Variants in RNF19B observed in about 807,000 individuals in gnomAD.
The protein encoded by RNF19B is ring finger protein 19B.
RNF19B carries 23 observed loss-of-function variants against 65.5 expected under a neutral mutation model. The ratio of observed to expected loss-of-function variants is 0.35; its 90% CI spans 0.25 to 0.50. The LOEUF is 0.50. RNF19B is among the 20% of genes least tolerant of loss of function. RNF19B has a pLI of 0.98. For synonymous variants in RNF19B, 372 were observed against 379.6 expected (o/e 0.98, Z 0.23); for missense variants, 794 against 980.0 (o/e 0.81, Z 2.53).
chr1:32,955,408 C>T (rs890924094), intron 1 of RNF19B, among the ~76,000 whole-genome samples: 2 of 151,812 alleles, frequency 1.3e-5, no homozygotes, highest in Non-Finnish European at 1.5e-5. Context: ...GTTCTGAATA[C>T]GGTAATCTTC....
Position 32,942,554 on chromosome 1 carries a change from T to C in RNF19B, c.1403-95A>G, listed in dbSNP as rs114054157. ...AATGACTTTTCAGAGAACTAATGTA[T>C]TTACTTAATGAACAGGTACTGTGTG... On this transcript the variant is annotated intron_variant, in intron 6 of 8. Coordinates refer to ENST00000235150, the MANE Select transcript of RNF19B (RefSeq NM_001300826.2). 6.6e-3 allele frequency: 6,560 copies of C among 998,152 alleles called. 30 individuals are homozygous for C. The highest frequency in any genetic ancestry group is 0.017 in the Middle Eastern group (65 of 3,886). The allele number at this position is 998,152 out of a possible 1,614,324, so 61.8% of individuals were successfully genotyped here.
chr1:32,957,809 G>A (rs185658684), intron 1 of RNF19B, among the ~76,000 whole-genome samples: 1 of 152,198 alleles, frequency 6.6e-6, no homozygotes, highest in South Asian at 2.1e-4. Flanking sequence ...ACTCCAGCCT[G>A]GGCGACAAAG....
rs749713428 is a variant in RNF19B at position 32,936,797 on chromosome 1, C to A, written c.*9G>T. On this transcript the variant is annotated 3_prime_UTR_variant, in exon 9 of 9. Transcript: ENST00000235150. ...GTGTGCTTCTCAGAACAGGAGCATTCATTCCACTTCATACTCTGGCTTCTC... is the reference window on the plus strand; with the variant it reads ...GTGTGCTTCTCAGAACAGGAGCATTAATTCCACTTCATACTCTGGCTTCTC... 2.0e-6 allele frequency: 3 copies of A among 1,534,098 alleles called. No homozygotes were observed. Among genetic ancestry groups the A allele is most frequent in the Non-Finnish European group, 2.6e-6 (3 of 1,139,558 alleles).
Position 32,946,572 on chromosome 1 carries a change from G to C in RNF19B, c.984-8C>G. 1 of 1,611,638 alleles carries C rather than the reference G, an allele frequency of 6.2e-7. No homozygotes were observed. Among genetic ancestry groups the C allele is most frequent in the South Asian group, 1.1e-5 (1 of 90,776 alleles). On this transcript the variant is annotated splice_polypyrimidine_tract_variant and splice_region_variant and intron_variant, in intron 3 of 8. Transcript: ENST00000235150. ...AATGTACAGCCAGAGGGGCTGCAGG[G>C]GAAACAGACTGAAGTTAATGTCAAC... is the stretch of plus-strand genomic sequence containing the variant.
intron 1 of RNF19B, among the ~76,000 whole-genome samples, chr1:32,952,962 ATT>A (rs71278768): frequency 2.3e-3 from 281 of 119,996 alleles, no homozygotes; most frequent in African/African-American, 8.1e-3. Context: ...TAATCACACA[ATT>A]TTTTTTTTTT....
intron 2 of RNF19B, among the ~76,000 whole-genome samples, chr1:32,948,684 T>G (rs908123067): frequency 6.6e-6 from 1 of 152,224 alleles, no homozygotes; most frequent in African/African-American, 2.4e-5. Flanking sequence ...TACCAGTCGA[T>G]AGGCTGGTAG....
Position 32,936,866 on chromosome 1 carries a change from G to C in RNF19B, c.2136C>G (p.Leu712=), listed in dbSNP as rs1642115339. 4 of 1,610,696 alleles carry C rather than the reference G, an allele frequency of 2.5e-6. No individual in the cohort carries two copies. In the East Asian group the frequency reaches 8.9e-5, roughly 36 times the overall value. Reference sequence around the variant, plus strand: ...CAGTTTGTCCCTCGGCTAGGGCAGAGAGGTTCATATGGGCACTTGGGCTCG... The same window carrying C: ...CAGTTTGTCCCTCGGCTAGGGCAGACAGGTTCATATGGGCACTTGGGCTCG... ...GAPSPSAHMN[L]SALAEGQTVL... is the part of the protein sequence containing the mutation. The change falls in exon 9 of 9, where the codon CTC becomes CTG. Residue 712 remains leucine, a synonymous_variant. Transcript: ENST00000235150.
At chr1:32,957,800 C>T (rs1228108339) in intron 1 of RNF19B, among the ~76,000 whole-genome samples, 1 of 152,230 alleles carries the variant, frequency 6.6e-6, no homozygotes, top group African/African-American at 2.4e-5. Flanking sequence ...CACAACTGCA[C>T]TCCAGCCTGG....
chr1:32,929,146 G>A, the RNF19B span, among the ~76,000 whole-genome samples: 1 of 152,096 alleles, frequency 6.6e-6, no homozygotes, highest in Non-Finnish European at 1.5e-5. Context: ...GTTCCTTGCC[G>A]CTCCCAGCTT....
intron 1 of RNF19B, among the ~76,000 whole-genome samples, chr1:32,952,800 C>A (rs1642539341): frequency 6.7e-6 from 1 of 149,386 alleles, no homozygotes; most frequent in Admixed American, 6.7e-5. Flanking sequence ...GCAGTCACAG[C>A]TACTTGGGAG....
rs1483536218 is a variant in RNF19B, at chr1:32,938,644, C to A, written c.1611-116G>T. Reference sequence around the variant, plus strand: ...TGCAAATTGTGGTTGTCTGTCTGATCTTCTCCAACTGTCAAACAGCGCAAA... The same window carrying A: ...TGCAAATTGTGGTTGTCTGTCTGATATTCTCCAACTGTCAAACAGCGCAAA... On this transcript the variant is annotated intron_variant, in intron 7 of 8. Coordinates refer to ENST00000235150, the MANE Select transcript of RNF19B (RefSeq NM_001300826.2). 14 of 1,040,034 alleles carry A rather than the reference C, an allele frequency of 1.3e-5. No homozygotes were observed. The Admixed American group carries it at 2.4e-4, about 18-fold the overall frequency. The allele number at this position is 1,040,034 out of a possible 1,614,324, so 64.4% of individuals were successfully genotyped here.
chr1:32,942,576 T>C, intron 6 of RNF19B, 117 bp from the exon 7 acceptor site: 3 of 761,414 alleles, frequency 3.9e-6, no homozygotes, highest in Middle Eastern at 3.6e-4. Context: ...ACAGGTACTG[T>C]GTGCAGTCGC....
At chr1:32,934,017 TGATAATTTGCGTTTCA>T (rs1248734905), downstream of RNF19B, among the ~76,000 whole-genome samples, 11 of 152,218 alleles carry the variant, frequency 7.2e-5, no homozygotes, top group Non-Finnish European at 1.6e-4. Context: ...AGTTTTGAGT[TGATAATTTGCGTTTCA>T]GAGATCTCCA....
downstream of RNF19B, among the ~76,000 whole-genome samples, chr1:32,934,126 A>G (rs1436236761): frequency 2.0e-5 from 3 of 152,198 alleles, no homozygotes; most frequent in Non-Finnish European, 2.9e-5. Flanking sequence ...CAGAAATCCA[A>G]AGTCCACTAA....
At chr1:32,963,903 G>C (rs1409733609) in intron 1 of RNF19B, 148 bp downstream of exon 1, 1 of 1,296,536 alleles carries the variant, frequency 7.7e-7, no homozygotes, top group Non-Finnish European at 9.9e-7. Context: ...CACACCACTA[G>C]TCTGGGCTTG....
Position 32,964,554 on chromosome 1 carries a change from G to T in RNF19B, c.132C>A (p.Arg44=). 1 of 1,273,918 alleles carries T rather than the reference G, an allele frequency of 7.8e-7. No homozygotes were observed. The highest frequency in any genetic ancestry group is 1.0e-6 in the Non-Finnish European group (1 of 1,002,270). The allele number at this position is 1,273,918 out of a possible 1,614,324, so 78.9% of individuals were successfully genotyped here. The part of the protein sequence containing the change: ...TLHSVFSASA[R]GRRARAKPQA... ...GCGGCTTGGCCCGGGCGCGGCGGCC[G>T]CGGGCCGAGGCAGAGAAGACGCTGT... is the stretch of plus-strand genomic sequence containing the variant. The change falls in exon 1 of 9, where the codon CGC becomes CGA. Residue 44 remains arginine (R), a synonymous_variant. Coordinates refer to ENST00000235150, the MANE Select transcript of RNF19B (RefSeq NM_001300826.2). This position sits in a 1 kb window ranked among gnomAD's most constrained non-coding sequence, Gnocchi z 6.5.
intron 5 of RNF19B, among the ~76,000 whole-genome samples, chr1:32,944,694 C>CTT (rs568350613): frequency 6.9e-6 from 1 of 145,884 alleles, no homozygotes; most frequent in African/African-American, 2.5e-5. Context: ...CTGCACCTTT[C>CTT]TTTTTTTTTT....
chr1:32,963,816 G>A (rs767296409), intron 1 of RNF19B, among the ~76,000 whole-genome samples: 1 of 152,186 alleles, frequency 6.6e-6, no homozygotes, highest in Admixed American at 6.5e-5. Flanking sequence ...TCCTAACTTG[G>A]ACAGCTCCCT....
chr1:32,961,172 A>G (rs756503601), intron 1 of RNF19B, among the ~76,000 whole-genome samples: 1 of 152,208 alleles, frequency 6.6e-6, no homozygotes, highest in Non-Finnish European at 1.5e-5. Context: ...TCAAGTCAGG[A>G]AAGAATTAGA....
Sources: allele counts gnomAD v4.1 joint callset (sites outside exome capture counted in the v4.1 genomes callset), GRCh38; gene constraint gnomAD v4.1.1; non-coding constraint Gnocchi (gnomAD v3.1); transcripts MANE v1.5; gene names NCBI Gene and HGNC (gene_info 2026-07-23, HGNC 2026-07-21).